Variants in TARS2 observed in about 807,000 individuals in gnomAD.
TARS2 encodes the protein threonyl-tRNA synthetase 2, mitochondrial.
A neutral mutation model predicts 94.4 loss-of-function variants in TARS2; 61 were observed. The observed-to-expected ratio is 0.65, with a 90% CI of 0.53 to 0.80. The LOEUF (loss-of-function observed/expected upper bound fraction) is 0.80, where lower values mean the gene tolerates loss of function less well. Ranked by LOEUF, TARS2 falls within the 30% of genes least tolerant of loss-of-function variation. The pLI is 0.00. For missense variants in TARS2, 704 were observed against 902.5 expected (o/e 0.78, Z 2.82); for synonymous variants, 359 against 353.4 (o/e 1.02, Z -0.18).
chr1:150,501,320 TTTTTTTTTTTTTA>T lies in TARS2; in HGVS notation c.1617+2030_1617+2042del, dbSNP rs1436217879. Among the ~76,000 whole-genome samples, 18 of 108,924 alleles carry T rather than the reference TTTTTTTTTTTTTA, an allele frequency of 1.7e-4. 1 individual carries two copies. The South Asian group carries it at 2.8e-3, about 17-fold the overall frequency. 71.5% of individuals were successfully genotyped at this position (108,924 alleles called of 152,430 possible). On this transcript the variant is annotated intron_variant, in intron 13 of 17. Transcript: ENST00000369064. ...AAAAAAAATTTTTTTTTTTTTTTTT[TTTTTTTTTTTTTA>T]TTGAGACTATGTCTCGCTCTGCTGC...
rs1669388994 is a variant in TARS2, at chr1:150,491,654, A to G, written c.687A>G (p.Thr229=). The change falls in exon 6 of 18, where the codon ACA becomes ACG. Residue 229 remains threonine (T), a synonymous_variant. Transcript: ENST00000369064. ...IEEKVTGPTA[T]VYGCGTLVDL... ...AGAAAGTGACAGGTCCAACAGCAACAGTATATGGGTAAGAGTTGTCAAGAT... is the reference window on the plus strand; with the variant it reads ...AGAAAGTGACAGGTCCAACAGCAACGGTATATGGGTAAGAGTTGTCAAGAT... 1.9e-6 allele frequency: 3 copies of G among 1,614,050 alleles called. No homozygotes were observed. In the African/African-American group the frequency reaches 4.0e-5, roughly 22 times the overall value.
chr1:150,491,765 C>A, intron 6 of TARS2, 103 bp downstream of exon 6: 5 of 1,252,780 alleles, frequency 4.0e-6, no homozygotes, highest in African/African-American at 3.0e-5. Context: ...TGTGTTGCTC[C>A]AGAAAAAGAA....
Position 150,491,470 on chromosome 1 carries a change from A to G in TARS2, c.589A>G (p.Arg197Gly). ...ELTAAARPFRRLEASRDQLRQ... is the reference protein window; with the variant it reads ...ELTAAARPFRGLEASRDQLRQ... ...TACAGCTGCTGCTCGACCCTTCCGG[A>G]GGCTAGAGGCTTCACGGGATCAGCT... Residue 197 changes from arginine to glycine, a missense_variant, in exon 5 of 18, where the codon AGG becomes GGG. Transcript: ENST00000369064. The G allele has an allele frequency of 1.2e-6, 2 of 1,614,140 alleles. No homozygotes were observed. The highest frequency in any genetic ancestry group is 1.7e-6 in the Non-Finnish European group (2 of 1,180,030).
At chr1:150,503,073 G>A (rs1158176871) in intron 13 of TARS2, among the ~76,000 whole-genome samples, 1 of 152,206 alleles carries the variant, frequency 6.6e-6, no homozygotes, top group African/African-American at 2.4e-5. Flanking sequence ...GGAGAACAGA[G>A]CATAGAGCTT....
chr1:150,503,571 G>GTATA lies in TARS2; in HGVS notation c.1618-763_1618-762insATAT, dbSNP rs1228909717. On this transcript the variant is annotated intron_variant, in intron 13 of 17. Coordinates refer to ENST00000369064, the MANE Select transcript of TARS2 (RefSeq NM_025150.5). ...TGTGTGTGTGTGTGTGTGTGTGTGT[G>GTATA]TGTGTGTATATATATGTGTGTGTGT... 1.8e-4 allele frequency among the ~76,000 whole-genome samples: 16 copies of GTATA among 86,746 alleles called. 1 individual carries two copies. The highest frequency in any genetic ancestry group is 6.3e-4 in the South Asian group (2 of 3,168). 56.9% of individuals were successfully genotyped at this position (86,746 alleles called of 152,430 possible). A position where few individuals can be genotyped will look rare whatever the true frequency, so the allele number is the denominator to read the frequency against.
At position 150,498,882 on chromosome 1, in the gene TARS2, A is replaced by G. The variant is rs1669787498; in HGVS notation, c.1402-15A>G. 7 of 1,613,900 alleles carry G rather than the reference A, an allele frequency of 4.3e-6. No individual in the cohort carries two copies. In the East Asian group the frequency reaches 1.6e-4, roughly 36 times the overall value. ...GCGGGCTCACAGCTCACTGACCCTT[A>G]TTTCCTGCCCCTAGCTGGAAGCAGA... On this transcript the variant is annotated splice_polypyrimidine_tract_variant and intron_variant, in intron 11 of 17. Coordinates refer to ENST00000369064, the MANE Select transcript of TARS2 (RefSeq NM_025150.5).
chr1:150,493,815 G>A (rs115154028), intron 7 of TARS2, among the ~76,000 whole-genome samples: 2,097 of 151,936 alleles, frequency 0.014, 54 homozygotes, highest in African/African-American at 0.048. Context: ...GATGGAATGG[G>A]ATGAGTTACA....
rs927971897 is a variant in TARS2, at chr1:150,507,136, G to A, written c.*72G>A. 3.2e-6 allele frequency: 5 copies of A among 1,586,756 alleles called. No homozygotes were observed. The African/African-American group carries it at 6.7e-5, about 21-fold the overall frequency. On this transcript the variant is annotated 3_prime_UTR_variant, in exon 18 of 18. Transcript: ENST00000369064. ...CCCTCACATGGGAGACCCCAACCCA[G>A]CTGACAATGTGGAGCCCCCAGAACT...
At chr1:150,492,702 C>A (rs978272185) in intron 7 of TARS2, among the ~76,000 whole-genome samples, 3 of 148,934 alleles carry the variant, frequency 2.0e-5, no homozygotes, top group African/African-American at 7.4e-5. Flanking sequence ...CCTAGCTGCT[C>A]GGGAGGCTGA....
At chr1:150,503,920 AGG>A (rs1471113547) in intron 13 of TARS2, among the ~76,000 whole-genome samples, 1 of 149,784 alleles carries the variant, frequency 6.7e-6, no homozygotes, top group Admixed American at 6.7e-5. Flanking sequence ...AAAAAAAAAA[AGG>A]AATAATTCTC....
chr1:150,488,227 G>GTC lies in TARS2; in HGVS notation c.263+178_263+179dup, dbSNP rs1669235455. The GTC allele has an allele frequency of 1.6e-5, 11 of 708,208 alleles. No individual in the cohort carries two copies. In the East Asian group the frequency reaches 3.1e-4, roughly 20 times the overall value. The allele number at this position is 708,208 out of a possible 1,614,324, so 43.9% of individuals were successfully genotyped here. ...GTTGTTGTTCTTTTATACAGACGGG[G>GTC]TCTCTCCATGTTGCCCAGGCTAGTC... On this transcript the variant is annotated intron_variant, in intron 2 of 17. Transcript: ENST00000369064.
chr1:150,500,200 A>G (rs1669851784), intron 13 of TARS2, among the ~76,000 whole-genome samples: 1 of 151,968 alleles, frequency 6.6e-6, no homozygotes, highest in African/African-American at 2.4e-5. Context: ...CCAAGGGGAA[A>G]AAAGGACTGA....
At chr1:150,501,701 C>G (rs990155596) in intron 13 of TARS2, among the ~76,000 whole-genome samples, 2 of 151,550 alleles carry the variant, frequency 1.3e-5, no homozygotes, top group Non-Finnish European at 2.9e-5. Context: ...ACCTGTAGTC[C>G]CAGCTACTCA....
intron 16 of TARS2, among the ~76,000 whole-genome samples, 190 bp downstream of exon 16, chr1:150,505,168 A>G (rs1368879047): frequency 6.6e-6 from 1 of 152,206 alleles, no homozygotes; most frequent in Non-Finnish European, 1.5e-5. Flanking sequence ...ACTAATGCCT[A>G]CCTTGTAGAG....
chr1:150,496,057 T>C (rs2102489463), intron 7 of TARS2, among the ~76,000 whole-genome samples: 1 of 152,288 alleles, frequency 6.6e-6, no homozygotes, highest in South Asian at 2.1e-4. Context: ...GCAGAGGCTT[T>C]TGGATTTCAT....
intron 2 of TARS2, chr1:150,488,665 T>C (rs1669252622): frequency 3.8e-6 from 1 of 264,284 alleles, no homozygotes; most frequent in Non-Finnish European, 7.3e-6. Flanking sequence ...GTTGGGACTA[T>C]TTCAAATCTT....
rs760695762 is a variant in TARS2, at chr1:150,504,699, T to C, written c.1786T>C (p.Leu596=). 1 of 1,613,956 alleles carries C rather than the reference T, an allele frequency of 6.2e-7. No individual in the cohort carries two copies. Among genetic ancestry groups the C allele is most frequent in the African/African-American group, 1.3e-5 (1 of 74,878 alleles). ...RAVLGSVERL[L]GVLAESCGGK... The stretch of plus-strand genomic sequence containing the variant: ...AGTGCTCGGTTCTGTGGAAAGACTG[T>C]TGGGAGTGCTGGCAGAAAGCTGCGG... The change falls in exon 15 of 18, where the codon TTG becomes CTG. Residue 596 remains leucine, a synonymous_variant. Transcript: ENST00000369064.
chr1:150,496,656 A>G, intron 8 of TARS2, 28 bp downstream of exon 8: 3 of 1,607,540 alleles, frequency 1.9e-6, no homozygotes, highest in African/African-American at 1.3e-5. Context: ...ATAGGGAGGG[A>G]TGGTGATAAG....
chr1:150,491,122 G>C (rs2102477495), intron 4 of TARS2, among the ~76,000 whole-genome samples: 1 of 151,996 alleles, frequency 6.6e-6, no homozygotes, highest in South Asian at 2.1e-4. Context: ...ATAAATTCAA[G>C]TTTTACTTAA....
Sources: allele counts gnomAD v4.1 joint callset (sites outside exome capture counted in the v4.1 genomes callset), GRCh38; gene constraint gnomAD v4.1.1; transcripts MANE v1.5; gene names NCBI Gene and HGNC (gene_info 2026-07-23, HGNC 2026-07-21).